RIMS2: variants seen among roughly 807,000 people sequenced by gnomAD.
RIMS2 encodes the protein regulating synaptic membrane exocytosis 2.
Under a neutral mutation model 174.4 loss-of-function variants are expected in RIMS2, and 59 were observed. The ratio of observed to expected loss-of-function variants is 0.34; its 90% CI spans 0.27 to 0.42. RIMS2 has a LOEUF of 0.42. Among genes scored for constraint, RIMS2 ranks in the 10% least tolerant of loss-of-function variants. The pLI, the probability that RIMS2 is intolerant of heterozygous loss-of-function variation, is 1.00. For synonymous variants in RIMS2, 606 were observed against 572.5 expected (o/e 1.06, Z -0.84); for missense variants, 1,620 against 1,666.3 (o/e 0.97, Z 0.48).
chr8:103,756,383 TG>T (rs1402787888), intron 2 of RIMS2, among the ~76,000 whole-genome samples: 13 of 130,996 alleles, frequency 9.9e-5, no homozygotes, highest in African/African-American at 3.8e-4. Context: ...TTGTTGTTGT[TG>T]TTTTTGTTTT....
At chr8:104,224,082 G>A (rs1056438228) in intron 19 of RIMS2, among the ~76,000 whole-genome samples, 3 of 152,238 alleles carry the variant, frequency 2.0e-5, no homozygotes, top group African/African-American at 7.2e-5. Context: ...GAGGCAAGGC[G>A]GCGCCTCTTC....
chr8:104,146,925 G>A (rs543452406), intron 19 of RIMS2, among the ~76,000 whole-genome samples: 1 of 151,978 alleles, frequency 6.6e-6, no homozygotes, highest in Non-Finnish European at 1.5e-5. Flanking sequence ...AAACTCCTGG[G>A]CTTAAGCAGT....
chr8:103,808,340 T>G (rs2098664170), intron 3 of RIMS2, among the ~76,000 whole-genome samples: 1 of 152,114 alleles, frequency 6.6e-6, no homozygotes, highest in South Asian at 2.1e-4. Flanking sequence ...AACTGATGAG[T>G]TAATGTGGAA....
intron 19 of RIMS2, among the ~76,000 whole-genome samples, chr8:104,088,079 C>T (rs1405665467): frequency 6.6e-6 from 1 of 152,046 alleles, no homozygotes; most frequent in Non-Finnish European, 1.5e-5. Context: ...ACAAAATTAT[C>T]TCTGACAAGT....
At chr8:104,243,506 G>A (rs548049332) in intron 19 of RIMS2, among the ~76,000 whole-genome samples, 6 of 152,222 alleles carry the variant, frequency 3.9e-5, no homozygotes, top group African/African-American at 1.2e-4. Context: ...CCAACATAGC[G>A]AAACCCCATC....
chr8:104,036,258 C>A (rs187838648), intron 19 of RIMS2, among the ~76,000 whole-genome samples: 3 of 152,070 alleles, frequency 2.0e-5, no homozygotes, highest in Non-Finnish European at 4.4e-5. Context: ...TCACCCCATT[C>A]TCCTGCCTCA....
Position 103,506,668 on chromosome 8 carries a change from T to C in RIMS2, c.176+5606T>C, listed in dbSNP as rs142836833. Among the ~76,000 whole-genome samples, 11 of 152,298 alleles carry C rather than the reference T, an allele frequency of 7.2e-5. No homozygotes were observed. The East Asian group carries it at 2.1e-3, about 29-fold the overall frequency. On this transcript the variant is annotated intron_variant, in intron 1 of 23. Transcript: ENST00000504942. The stretch of plus-strand genomic sequence containing the variant: ...AGATAGCACTCTTTAAACCTTATCA[T>C]AGGATTGCTGGGTGAAATTTTCTTA...
intron 19 of RIMS2, among the ~76,000 whole-genome samples, chr8:104,144,471 G>A (rs1270469425): frequency 6.6e-6 from 1 of 152,118 alleles, no homozygotes; most frequent in Non-Finnish European, 1.5e-5. Context: ...TTACATAAAA[G>A]AAGAAGCGAT....
chr8:103,551,418 C>G (rs1847846207), intron 1 of RIMS2, among the ~76,000 whole-genome samples: 3 of 151,874 alleles, frequency 2.0e-5, no homozygotes, highest in African/African-American at 7.3e-5. Flanking sequence ...TCTAAAAACT[C>G]TCAATAAACT....
intron 17 of RIMS2, 108 bp downstream of exon 19, chr8:103,989,529 A>G (rs1477015546): frequency 8.4e-6 from 5 of 593,838 alleles, no homozygotes; most frequent in Non-Finnish European, 1.4e-5. Flanking sequence ...AGTTTCTGAA[A>G]CAATGTTTTT....
At chr8:103,660,281 G>A (rs2096582606) in intron 1 of RIMS2, among the ~76,000 whole-genome samples, 1 of 152,234 alleles carries the variant, frequency 6.6e-6, no homozygotes, top group African/African-American at 2.4e-5. Context: ...GTGCCCTGCA[G>A]TACCACAAGA....
intron 19 of RIMS2, among the ~76,000 whole-genome samples, chr8:104,134,631 G>C (rs931313437): frequency 6.6e-6 from 1 of 152,186 alleles, no homozygotes; most frequent in Non-Finnish European, 1.5e-5. Context: ...GCTATTGTTT[G>C]TGCTATTAAT....
intron 1 of RIMS2, among the ~76,000 whole-genome samples, chr8:103,647,063 C>T (rs891124315): frequency 2.0e-5 from 3 of 152,070 alleles, no homozygotes; most frequent in African/African-American, 7.2e-5. Flanking sequence ...TTATTGAAGG[C>T]CTGTTCTGCA....
chr8:104,024,683 G>A (rs2096207786), intron 19 of RIMS2, among the ~76,000 whole-genome samples: 1 of 152,084 alleles, frequency 6.6e-6, no homozygotes, highest in South Asian at 2.1e-4. Flanking sequence ...CCTTTGGGGA[G>A]CTCCCAAGGG....
chr8:103,972,414 T>C (rs2092979290), intron 15 of RIMS2, among the ~76,000 whole-genome samples: 1 of 152,220 alleles, frequency 6.6e-6, no homozygotes, highest in Non-Finnish European at 1.5e-5. Context: ...AAAGCTGCTG[T>C]TATTGCCTGT....
At chr8:103,742,671 C>G (rs1217273401) in intron 2 of RIMS2, among the ~76,000 whole-genome samples, 1 of 152,070 alleles carries the variant, frequency 6.6e-6, no homozygotes, top group East Asian at 1.9e-4. Context: ...TGCTAATACC[C>G]TCTGTTTTCT....
intron 1 of RIMS2, among the ~76,000 whole-genome samples, chr8:103,615,811 G>A (rs963853735): frequency 2.0e-5 from 3 of 152,130 alleles, no homozygotes; most frequent in Non-Finnish European, 4.4e-5. Context: ...ACCCTCCGAA[G>A]ACTGAGCCAG....
At chr8:103,993,906 T>A (rs960335802) in intron 17 of RIMS2, among the ~76,000 whole-genome samples, 4 of 151,564 alleles carry the variant, frequency 2.6e-5, no homozygotes, top group Non-Finnish European at 4.4e-5. Flanking sequence ...TTAGCCCAGG[T>A]GTGGTGGTGT....
At chr8:103,824,692 G>A (rs2098776051) in intron 3 of RIMS2, among the ~76,000 whole-genome samples, 1 of 152,162 alleles carries the variant, frequency 6.6e-6, no homozygotes, top group Non-Finnish European at 1.5e-5. Flanking sequence ...TAGAAAGTGG[G>A]ACATGGGACC....
Sources: allele counts gnomAD v4.1 joint callset (sites outside exome capture counted in the v4.1 genomes callset), GRCh38; gene constraint gnomAD v4.1.1; transcripts MANE v1.5; gene names NCBI Gene and HGNC (gene_info 2026-07-23, HGNC 2026-07-21).